The following PEX5L variants were observed in gnomAD, a reference collection of about 807,000 sequenced individuals.
PEX5L encodes peroxisomal biogenesis factor 5 like, also known as PEX5-related protein.
A neutral mutation model predicts 84.0 loss-of-function variants in PEX5L; 30 were observed. That is an observed-to-expected ratio of 0.36 (90% CI 0.27 to 0.48). The LOEUF (loss-of-function observed/expected upper bound fraction) is 0.48, where lower values mean the gene tolerates loss of function less well. PEX5L is among the 20% of genes least tolerant of loss of function. PEX5L has a pLI of 0.99. For missense variants in PEX5L, 533 were observed against 754.6 expected, an observed-to-expected ratio of 0.71 and a Z score of 3.44; for synonymous variants, 270 against 283.1, an observed-to-expected ratio of 0.95 and a Z score of 0.46.
At chr3:179,941,486 A>G (rs1776078519) in intron 2 of PEX5L, among the ~76,000 whole-genome samples, 1 of 152,208 alleles carries the variant, frequency 6.6e-6, no homozygotes, top group Admixed American at 6.5e-5. Flanking sequence ...TCTCAAAATA[A>G]CTTTATCAGG....
chr3:179,905,870 G>A (rs903183961), intron 2 of PEX5L, among the ~76,000 whole-genome samples: 4 of 152,086 alleles, frequency 2.6e-5, no homozygotes, highest in Non-Finnish European at 5.9e-5. Flanking sequence ...ACATTGTTTG[G>A]TATAGTCCTC....
chr3:179,891,297 G>T lies in PEX5L; in HGVS notation c.199-3513C>A, dbSNP rs192779477. ...TCTTCCACAAATTCAAATCAAAGAA[G>T]GAGTAACAAACTACCTTCTGAGTCA... On this transcript the variant is annotated intron_variant, in intron 3 of 14. Coordinates refer to ENST00000467460, the MANE Select transcript of PEX5L (RefSeq NM_016559.3). Among the ~76,000 whole-genome samples, 482 of 152,268 alleles carry T rather than the reference G, an allele frequency of 3.2e-3. 3 individuals carry two copies. Among genetic ancestry groups the T allele is most frequent in the African/African-American group, 0.011 (472 of 41,558 alleles).
At position 179,819,892 on chromosome 3, in the gene PEX5L, G is replaced by T; in HGVS notation, c.907C>A (p.Gln303Lys). 1 of 1,614,024 alleles carries T rather than the reference G, an allele frequency of 6.2e-7. No homozygotes were observed. The highest frequency in any genetic ancestry group is 8.5e-7 in the Non-Finnish European group (1 of 1,179,984). The change falls in exon 9 of 15, where the codon CAG becomes AAG. Residue 303 changes from glutamine (Q) to lysine (K), a missense_variant. Around this residue, in one of 8 missense-constraint regions of PEX5L, gnomAD observed 58 missense variants for 56.4 expected, o/e 1.03. Transcript: ENST00000467460. ...CTAGCCGAGATGGTTACTTGGTTCT[G>T]GGCTTCTTGGTTCTCAGATATCCAG... ...RNWISENQEA[Q>K]NQVTISASEK... is the part of the protein sequence containing the mutation.
chr3:180,034,657 C>T (rs1791741810), intron 1 of PEX5L, among the ~76,000 whole-genome samples: 1 of 152,082 alleles, frequency 6.6e-6, no homozygotes, highest in South Asian at 2.1e-4. Flanking sequence ...TTATGCTTAA[C>T]ATTAATGGTT....
intron 14 of PEX5L, among the ~76,000 whole-genome samples, chr3:179,805,169 T>C (rs1051666652): frequency 7.3e-4 from 99 of 136,018 alleles, no homozygotes; most frequent in African/African-American, 2.7e-3. Flanking sequence ...TTTTTTTTTT[T>C]CAGGAAAAAG....
At chr3:179,831,794 C>T (rs370298245) in intron 8 of PEX5L, among the ~76,000 whole-genome samples, 2 of 152,146 alleles carry the variant, frequency 1.3e-5, no homozygotes, top group African/African-American at 4.8e-5. Flanking sequence ...GGAGGAACAG[C>T]ATATGTAAAA....
At chr3:179,926,831 T>C (rs993462339) in intron 2 of PEX5L, among the ~76,000 whole-genome samples, 3 of 152,220 alleles carry the variant, frequency 2.0e-5, no homozygotes, top group Non-Finnish European at 2.9e-5. Flanking sequence ...GTGTAAACTT[T>C]CTGGGTAATT....
intron 2 of PEX5L, among the ~76,000 whole-genome samples, chr3:179,945,199 G>A (rs1023947949): frequency 6.6e-6 from 1 of 152,178 alleles, no homozygotes; most frequent in African/African-American, 2.4e-5. Context: ...CTGGCAGAAT[G>A]GGGATTCTCA....
Position 179,887,793 on chromosome 3 carries a change from A to G in PEX5L, c.199-9T>C. 1 of 1,583,186 alleles carries G rather than the reference A, an allele frequency of 6.3e-7. No homozygotes were observed. The highest frequency in any genetic ancestry group is 2.2e-5 in the East Asian group (1 of 44,688). ...TGTTGCTCATTCACCAGCTGAGAAC[A>G]AATGAACAGAGGTGTCAAAGGGCTT... On this transcript the variant is annotated splice_polypyrimidine_tract_variant and intron_variant, in intron 3 of 14. Coordinates refer to ENST00000467460, the MANE Select transcript of PEX5L (RefSeq NM_016559.3).
intron 4 of PEX5L, among the ~76,000 whole-genome samples, chr3:179,885,755 C>T (rs1380713733): frequency 2.6e-5 from 4 of 152,014 alleles, no homozygotes; most frequent in African/African-American, 9.7e-5. Flanking sequence ...GTTATGCTGC[C>T]ATAAACCAAG....
chr3:179,847,305 C>T (rs1272439336), intron 8 of PEX5L, among the ~76,000 whole-genome samples: 1 of 151,826 alleles, frequency 6.6e-6, no homozygotes, highest in African/African-American at 2.4e-5. Flanking sequence ...GATTGATATA[C>T]AGATATTGGT....
chr3:179,846,430 CTTATT>C (rs1739382769), intron 8 of PEX5L, among the ~76,000 whole-genome samples: 2 of 152,300 alleles, frequency 1.3e-5, no homozygotes, highest in South Asian at 4.1e-4. Context: ...AACACTAGAA[CTTATT>C]CTATCTTACT....
rs115047186 is a variant in PEX5L, at chr3:179,855,340, A to G, written c.822+3722T>C. On this transcript the variant is annotated intron_variant, in intron 8 of 14. Transcript: ENST00000467460. ...TCATCTGGAGCTTACTAGTATTTAA[A>G]ATTGCCTCTGATGAAAGCAATCTGC... Among the ~76,000 whole-genome samples, 744 of 152,328 alleles carry G rather than the reference A, an allele frequency of 4.9e-3. 13 individuals carry two copies. The highest frequency in any genetic ancestry group is 0.017 in the African/African-American group (710 of 41,566).
At chr3:179,825,647 T>A (rs60548982) in intron 8 of PEX5L, among the ~76,000 whole-genome samples, 1 of 152,072 alleles carries the variant, frequency 6.6e-6, no homozygotes, top group Admixed American at 6.6e-5. Flanking sequence ...GAACAGTGTA[T>A]GGAGGAAAAC....
At chr3:179,810,869 T>A (rs930274095) in intron 11 of PEX5L, among the ~76,000 whole-genome samples, 2 of 152,186 alleles carry the variant, frequency 1.3e-5, no homozygotes, top group African/African-American at 4.8e-5. Flanking sequence ...CTAATGTGCA[T>A]GTGTATACAG....
intron 2 of PEX5L, among the ~76,000 whole-genome samples, chr3:179,937,352 G>A (rs929840966): frequency 3.9e-5 from 6 of 151,958 alleles, no homozygotes; most frequent in Non-Finnish European, 5.9e-5. Flanking sequence ...GACAGCATGC[G>A]GGGTACATGA....
chr3:179,821,111 G>A (rs1054326148), intron 8 of PEX5L, among the ~76,000 whole-genome samples: 6 of 152,152 alleles, frequency 3.9e-5, no homozygotes, highest in Non-Finnish European at 5.9e-5. Context: ...GCGGCGGGGC[G>A]GCGGGTGGGG....
At chr3:179,925,247 G>T (rs1047483457) in intron 2 of PEX5L, among the ~76,000 whole-genome samples, 1 of 152,058 alleles carries the variant, frequency 6.6e-6, no homozygotes, top group Non-Finnish European at 1.5e-5. Flanking sequence ...CATTGATAGC[G>T]TTCAAAAATT....
chr3:179,980,269 A>C (rs2110326115), intron 1 of PEX5L, among the ~76,000 whole-genome samples: 1 of 152,256 alleles, frequency 6.6e-6, no homozygotes, highest in African/African-American at 2.4e-5. Flanking sequence ...AATGGCTTAT[A>C]ATCAGCATTT....
Sources: gnomAD v4.1 joint callset for allele counts (sites outside exome capture counted in the v4.1 genomes callset) on GRCh38, gnomAD v4.1.1 for gene constraint, gnomAD v4.1.1 regional missense constraint, MANE v1.5 for transcripts, NCBI Gene and HGNC (gene_info 2026-07-23, HGNC 2026-07-21) for gene names.